Variants in CPXM2 observed in about 807,000 individuals in gnomAD.
CPXM2 encodes carboxypeptidase X, M14 family member 2.
In CPXM2, 66 loss-of-function variants were observed where a neutral mutation model predicts 86.1. That is an observed-to-expected ratio of 0.77 (90% CI 0.63 to 0.94). The LOEUF is 0.94. CPXM2 is among the 40% of genes least tolerant of loss of function. The probability of loss-of-function intolerance (pLI) is 0.00; values close to 1 mark genes in which losing one functional copy is unlikely to be tolerated. For synonymous variants in CPXM2, 388 were observed against 400.2 expected (o/e 0.97, Z 0.36); for missense variants, 948 against 1,026.3 (o/e 0.92, Z 1.04).
chr10:123,839,473 C>T (rs947329286), intron 4 of CPXM2, among the ~76,000 whole-genome samples: 3 of 152,166 alleles, frequency 2.0e-5, no homozygotes, highest in Non-Finnish European at 4.4e-5. Context: ...AGTTATTTCT[C>T]GTGCATCTAA....
chr10:123,877,810 C>G (rs963757639), intron 2 of CPXM2, among the ~76,000 whole-genome samples: 2 of 152,222 alleles, frequency 1.3e-5, no homozygotes, highest in Non-Finnish European at 2.9e-5. Flanking sequence ...TGACACTACT[C>G]CTTAATCACA....
At chr10:123,919,439 C>A (rs1878617) in intron 2 of CPXM2, among the ~76,000 whole-genome samples, 17,255 of 152,042 alleles carry the variant, frequency 0.11, 1,119 homozygotes, top group African/African-American at 0.14. Context: ...ACAAGATAAC[C>A]CAGATTTTGG....
chr10:123,758,210 A>G (rs1197897718), intron 11 of CPXM2, among the ~76,000 whole-genome samples: 1 of 152,202 alleles, frequency 6.6e-6, no homozygotes, highest in African/African-American at 2.4e-5. Flanking sequence ...AATACAAATT[A>G]CCACCAAATG....
chr10:123,772,827 G>A (rs181548492), intron 7 of CPXM2, among the ~76,000 whole-genome samples: 262 of 150,406 alleles, frequency 1.7e-3, no homozygotes, highest in African/African-American at 6.1e-3. Context: ...CCCTGGTTGT[G>A]GTTATCACCT....
At chr10:123,843,739 C>T (rs1283752990) in intron 3 of CPXM2, among the ~76,000 whole-genome samples, 1 of 152,096 alleles carries the variant, frequency 6.6e-6, no homozygotes, top group Admixed American at 6.5e-5. Flanking sequence ...TTCTGCTGAG[C>T]AAAACTCTAT....
In CPXM2 at chr10:123,768,538, C is replaced by T. The variant is rs1362019245; in HGVS notation, c.1287G>A (p.Lys429=). The T allele has an allele frequency of 8.7e-6, 14 of 1,613,090 alleles. No individual in the cohort carries two copies. Among genetic ancestry groups the T allele is most frequent in the Non-Finnish European group, 1.2e-5 (14 of 1,179,510 alleles). The part of the protein sequence containing the change: ...LPSLNPDGYE[K]AYEGGSELGG... ...CCAGGGCCATTACCCCTTCGTAGGCCTTCTCGTAGCCATCGGGGTTGAGGG... is the reference window on the plus strand; with the variant it reads ...CCAGGGCCATTACCCCTTCGTAGGCTTTCTCGTAGCCATCGGGGTTGAGGG... The change falls in exon 9 of 14, where the codon AAG becomes AAA. Residue 429 remains lysine, a synonymous_variant. Transcript: ENST00000241305.
intron 6 of CPXM2, among the ~76,000 whole-genome samples, chr10:123,788,947 G>A (rs1398336254): frequency 6.6e-6 from 1 of 151,210 alleles, no homozygotes; most frequent in Non-Finnish European, 1.5e-5. Context: ...CACCAGAGGT[G>A]CTTGGTCACA....
At chr10:123,848,419 C>G (rs1209827260) in intron 3 of CPXM2, among the ~76,000 whole-genome samples, 1 of 152,158 alleles carries the variant, frequency 6.6e-6, no homozygotes, top group African/African-American at 2.4e-5. Flanking sequence ...AAACCAAAAC[C>G]AATTTCTTAA....
At chr10:123,881,446 T>C (rs1249059562) in intron 1 of CPXM2, among the ~76,000 whole-genome samples, 3 of 151,416 alleles carry the variant, frequency 2.0e-5, no homozygotes, top group East Asian at 3.9e-4. Flanking sequence ...ACAAGGTGTA[T>C]TGAGGGAGAG....
At chr10:123,880,145 T>TGGGGGGCCCCCCCCCCC in intron 2 of CPXM2, 66 bp downstream of exon 2, 3 of 407,578 alleles carry the variant, frequency 7.4e-6, no homozygotes, top group East Asian at 4.9e-5. Context: ...CAGGGGCCTG[T>TGGGGGGCCCCCCCCCCC]ACCCACCCAC....
Position 123,781,240 on chromosome 10 carries a change from G to C in CPXM2, c.890-985C>G, listed in dbSNP as rs893365824. ...AGCTGACCTTTGGGGACTGGGATTC[G>C]GGGGGTCAGGGAGGCAATGTCTGCT... is the stretch of plus-strand genomic sequence containing the variant. On this transcript the variant is annotated intron_variant, in intron 6 of 13. Coordinates refer to ENST00000241305, the MANE Select transcript of CPXM2 (RefSeq NM_198148.3). Among the ~76,000 whole-genome samples the C allele has an allele frequency of 1.6e-4, 24 of 152,188 alleles. 1 individual carries two copies. Among genetic ancestry groups the C allele is most frequent in the Admixed American group, 1.4e-3 (21 of 15,282 alleles).
intron 2 of CPXM2, among the ~76,000 whole-genome samples, chr10:123,879,417 C>A (rs1050828309): frequency 1.3e-5 from 2 of 152,044 alleles, no homozygotes; most frequent in Admixed American, 6.6e-5. Context: ...GCTGCATAAC[C>A]CTTGGTAAAC....
intron 2 of CPXM2, among the ~76,000 whole-genome samples, chr10:123,931,034 G>C (rs371608198): frequency 6.6e-6 from 1 of 152,180 alleles, no homozygotes; most frequent in Non-Finnish European, 1.5e-5. Context: ...GGGACAACTT[G>C]ACCACGTGTA....
chr10:123,750,032 C>T (rs1205743318), intron 13 of CPXM2: 1 of 469,988 alleles, frequency 2.1e-6, no homozygotes, highest in Non-Finnish European at 2.7e-6. Flanking sequence ...ATTGGCCAGG[C>T]TGGTCTTGAA....
chr10:123,761,805 G>A lies in CPXM2; in HGVS notation c.1777+67C>T, dbSNP rs187112684. On this transcript the variant is annotated intron_variant, in intron 11 of 13. Coordinates refer to ENST00000241305, the MANE Select transcript of CPXM2 (RefSeq NM_198148.3). ...ACAGGACAGTAGTGACACCAGGAGG[G>A]CCAGGAGGAGACCCCTGCAGCGTCC... The A allele has an allele frequency of 1.7e-3, 2,581 of 1,477,014 alleles. 45 individuals carry two copies. In the African/African-American group the frequency reaches 0.031, roughly 18 times the overall value. The allele number at this position is 1,477,014 out of a possible 1,614,324, so 91.5% of individuals were successfully genotyped here.
At chr10:123,890,159 T>C (rs1463950666) in intron 1 of CPXM2, among the ~76,000 whole-genome samples, 2 of 152,200 alleles carry the variant, frequency 1.3e-5, no homozygotes, top group African/African-American at 2.4e-5. Flanking sequence ...TATAAGTCTC[T>C]TCCCACTCCT....
At chr10:123,794,773 A>ATGTG (rs1564772790) in intron 6 of CPXM2, among the ~76,000 whole-genome samples, 18 of 111,366 alleles carry the variant, frequency 1.6e-4, no homozygotes, top group African/African-American at 7.0e-4. Context: ...GTGTGTGCGC[A>ATGTG]TGTGTGTGTG....
chr10:123,755,778 A>G (rs76310138), intron 12 of CPXM2, among the ~76,000 whole-genome samples: 5,458 of 152,324 alleles, frequency 0.036, 128 homozygotes, highest in Middle Eastern at 0.15. Flanking sequence ...CATCATTACC[A>G]ATGACTTTAC....
At chr10:123,807,366 A>G (rs762099280) in intron 4 of CPXM2, among the ~76,000 whole-genome samples, 6 of 152,186 alleles carry the variant, frequency 3.9e-5, no homozygotes, top group Non-Finnish European at 5.9e-5. Context: ...GGGTGATAGA[A>G]GAGATACTTG....
Sources: gnomAD v4.1 joint callset for allele counts (sites outside exome capture counted in the v4.1 genomes callset) on GRCh38, gnomAD v4.1.1 for gene constraint, MANE v1.5 for transcripts, NCBI Gene and HGNC (gene_info 2026-07-23, HGNC 2026-07-21) for gene names.